PPP3CA: variants seen among roughly 807,000 people sequenced by gnomAD.
The protein encoded by PPP3CA is CAM-PRP catalytic subunit.
In PPP3CA, 14 loss-of-function variants were observed where a neutral mutation model predicts 66.5. That is an observed-to-expected ratio of 0.21 (90% confidence interval 0.14 to 0.33). The LOEUF is 0.33. PPP3CA is among the 10% of genes least tolerant of loss of function. PPP3CA has a pLI of 1.00. For synonymous variants in PPP3CA, 232 were observed against 226.2 expected, an observed-to-expected ratio of 1.03 and a Z score of -0.23; for missense variants, 317 against 639.5, an observed-to-expected ratio of 0.50 and a Z score of 5.44.
At chr4:101,130,690 C>T (rs890772239) in intron 2 of PPP3CA, among the ~76,000 whole-genome samples, 3 of 152,154 alleles carry the variant, frequency 2.0e-5, no homozygotes, top group African/African-American at 7.2e-5. Context: ...CAAGCAAATG[C>T]TGAGGAATTC....
intron 2 of PPP3CA, among the ~76,000 whole-genome samples, chr4:101,187,110 A>C (rs1288409532): frequency 6.6e-6 from 1 of 152,166 alleles, no homozygotes; most frequent in Non-Finnish European, 1.5e-5. Flanking sequence ...TTAGAGATTC[A>C]CAATTTTAAT....
intron 3 of PPP3CA, among the ~76,000 whole-genome samples, chr4:101,106,414 A>G (rs1199007906): frequency 9.1e-5 from 1 of 10,936 alleles, no homozygotes; most frequent in Non-Finnish European, 1.9e-4. Context: ...AGAAAGAAAG[A>G]AAGAAAGAAA....
At chr4:101,223,328 A>G (rs1725682407) in intron 1 of PPP3CA, among the ~76,000 whole-genome samples, 1 of 151,800 alleles carries the variant, frequency 6.6e-6, no homozygotes, top group Non-Finnish European at 1.5e-5. Flanking sequence ...TTTAGATAGA[A>G]ATCATAACTT....
At chr4:101,337,829 C>T (rs1197469133) in intron 1 of PPP3CA, among the ~76,000 whole-genome samples, 1 of 152,194 alleles carries the variant, frequency 6.6e-6, no homozygotes, top group African/African-American at 2.4e-5. Context: ...TACTGCCACT[C>T]TGTTGGTGTG....
intron 1 of PPP3CA, among the ~76,000 whole-genome samples, chr4:101,230,947 T>C (rs1428078437): frequency 1.3e-5 from 2 of 151,746 alleles, no homozygotes; most frequent in Non-Finnish European, 2.9e-5. Context: ...TAGGAAAATT[T>C]TACTCATACC....
intron 1 of PPP3CA, among the ~76,000 whole-genome samples, chr4:101,222,826 T>C (rs1356213822): frequency 6.6e-6 from 1 of 151,544 alleles, no homozygotes; most frequent in African/African-American, 2.4e-5. Flanking sequence ...TGCTCCAGTA[T>C]ATCTGATGAA....
chr4:101,100,457 C>T (rs28462362), intron 3 of PPP3CA, among the ~76,000 whole-genome samples: 9,258 of 152,100 alleles, frequency 0.061, 361 homozygotes, highest in Non-Finnish European at 0.081. Context: ...ATTTGATATA[C>T]CTTAAAATTC....
intron 8 of PPP3CA, 132 bp from the exon 9 acceptor site, chr4:101,063,489 C>G (rs981782439): frequency 8.0e-6 from 8 of 997,342 alleles, no homozygotes; most frequent in Non-Finnish European, 1.0e-5. Flanking sequence ...CTTAGGCATC[C>G]CAGAATGCTT....
chr4:101,176,685 G>A (rs1724070084), intron 2 of PPP3CA, among the ~76,000 whole-genome samples: 1 of 152,040 alleles, frequency 6.6e-6, no homozygotes, highest in Admixed American at 6.6e-5. Flanking sequence ...GACATATGGG[G>A]CAAATGACTA....
At chr4:101,333,932 T>C (rs1729537654) in intron 1 of PPP3CA, among the ~76,000 whole-genome samples, 1 of 152,200 alleles carries the variant, frequency 6.6e-6, no homozygotes, top group South Asian at 2.1e-4. Context: ...TACATTATGT[T>C]AGACCCCAAG....
intron 3 of PPP3CA, among the ~76,000 whole-genome samples, chr4:101,106,787 T>C (rs916065324): frequency 6.6e-6 from 1 of 152,176 alleles, no homozygotes; most frequent in Non-Finnish European, 1.5e-5. Flanking sequence ...TTGAAACTGA[T>C]GTAGCCATCT....
chr4:101,197,878 A>C (rs2110192444), intron 1 of PPP3CA, among the ~76,000 whole-genome samples: 1 of 152,318 alleles, frequency 6.6e-6, no homozygotes, highest in Non-Finnish European at 1.5e-5. Flanking sequence ...GTCTGATGCC[A>C]GAATACCTGT....
intron 1 of PPP3CA, among the ~76,000 whole-genome samples, chr4:101,236,291 CAT>C (rs5860664): frequency 0.56 from 84,236 of 151,594 alleles, 27,282 homozygotes; most frequent in Non-Finnish European, 0.74. Flanking sequence ...AAAACATAGT[CAT>C]GTGAAAAGCA....
intron 2 of PPP3CA, among the ~76,000 whole-genome samples, chr4:101,121,512 T>G (rs754206091): frequency 1.3e-5 from 2 of 152,088 alleles, no homozygotes; most frequent in African/African-American, 2.4e-5. Flanking sequence ...AAATAACGCT[T>G]GATTTCCCTA....
chr4:101,287,216 C>G (rs1030104850), intron 1 of PPP3CA, among the ~76,000 whole-genome samples: 13 of 152,044 alleles, frequency 8.6e-5, no homozygotes, highest in African/African-American at 3.1e-4. Flanking sequence ...GCAGAAATAC[C>G]TTAGCTAATT....
At chr4:101,308,586 C>T (rs1728620803) in intron 1 of PPP3CA, among the ~76,000 whole-genome samples, 1 of 152,132 alleles carries the variant, frequency 6.6e-6, no homozygotes, top group Non-Finnish European at 1.5e-5. Context: ...GCTGGGATTA[C>T]AGGCACCCAC....
At chr4:101,206,189 A>G (rs1218248081) in intron 1 of PPP3CA, among the ~76,000 whole-genome samples, 1 of 152,250 alleles carries the variant, frequency 6.6e-6, no homozygotes, top group East Asian at 1.9e-4. Flanking sequence ...ACACAGAATC[A>G]TGCAGGAAGT....
intron 1 of PPP3CA, among the ~76,000 whole-genome samples, chr4:101,271,965 T>C (rs1453009215): frequency 2.0e-5 from 3 of 152,212 alleles, no homozygotes; most frequent in Non-Finnish European, 2.9e-5. Context: ...TAGTCATTCG[T>C]AATCATTATA....
intron 5 of PPP3CA, 29 bp downstream of exon 5, chr4:101,098,338 G>A: frequency 6.4e-7 from 1 of 1,573,190 alleles, no homozygotes; most frequent in Non-Finnish European, 8.6e-7. Context: ...CGCACAAAAT[G>A]ATTAGACTTG....
Sources: gnomAD v4.1 joint callset for allele counts (sites outside exome capture counted in the v4.1 genomes callset) on GRCh38, gnomAD v4.1.1 for gene constraint, MANE v1.5 for transcripts, NCBI Gene and HGNC (gene_info 2026-07-23, HGNC 2026-07-21) for gene names.